Variants in ANO4 observed in about 807,000 individuals in gnomAD.
The protein encoded by ANO4 is anoctamin-4.
In ANO4, 69 loss-of-function variants were observed where a neutral mutation model predicts 141.9. The ratio of observed to expected loss-of-function variants is 0.49; its 90% CI spans 0.40 to 0.59. The LOEUF is 0.59. Ranked by LOEUF, ANO4 falls within the 20% of genes least tolerant of loss-of-function variation. The pLI is 0.00. For synonymous variants in ANO4, 350 were observed against 394.3 expected (o/e 0.89, Z 1.33); for missense variants, 894 against 1,162.2 (o/e 0.77, Z 3.36).
chr12:101,001,663 C>T (rs543127759), intron 8 of ANO4, among the ~76,000 whole-genome samples: 5 of 152,196 alleles, frequency 3.3e-5, no homozygotes, highest in East Asian at 1.9e-4. Flanking sequence ...TTGTTATTTC[C>T]GTTTAGAGAA....
chr12:100,859,860 A>G (rs2038380774), intron 1 of ANO4, among the ~76,000 whole-genome samples: 2 of 152,150 alleles, frequency 1.3e-5, no homozygotes, highest in Admixed American at 1.3e-4. Context: ...GAGGTACTGA[A>G]TAAATATTTG....
rs774471905 is a variant in ANO4, at chr12:100,901,761, CCCA to C, written c.-21_-19del. Reference sequence around the variant, plus strand: ...TGCCTGTGGTCAGGCATTCCTCACTCCCACCAGGCAGAAGGTCAATAAAAATGG... The same window carrying C: ...TGCCTGTGGTCAGGCATTCCTCACTCCCAGGCAGAAGGTCAATAAAAATGG... On this transcript the variant is annotated 5_prime_UTR_variant, in exon 2 of 28. Coordinates refer to ENST00000392977, the MANE Select transcript of ANO4 (RefSeq NM_001286615.2). 1 of 1,612,356 alleles carries C rather than the reference CCCA, an allele frequency of 6.2e-7. No individual in the cohort carries two copies. The highest frequency in any genetic ancestry group is 1.1e-5 in the South Asian group (1 of 91,046).
At chr12:100,730,648 C>A (rs949421414) in intron 1 of ANO4, among the ~76,000 whole-genome samples, 1 of 152,090 alleles carries the variant, frequency 6.6e-6, no homozygotes, top group African/African-American at 2.4e-5. Flanking sequence ...TGGGTCTTCC[C>A]TGGACAAGCT....
At chr12:101,100,047 C>T (rs1221369259) in intron 22 of ANO4, among the ~76,000 whole-genome samples, 1 of 152,054 alleles carries the variant, frequency 6.6e-6, no homozygotes. Flanking sequence ...TCTCAGTTTC[C>T]TCATCTCTAA....
intron 1 of ANO4, among the ~76,000 whole-genome samples, chr12:100,798,201 C>T (rs2034456192): frequency 6.6e-6 from 1 of 152,156 alleles, no homozygotes; most frequent in Non-Finnish European, 1.5e-5. Flanking sequence ...TTATGTGATA[C>T]AGCTTTTCTT....
At chr12:100,743,303 C>T (rs1454551591) in intron 3 of ANO4, among the ~76,000 whole-genome samples, 1 of 150,630 alleles carries the variant, frequency 6.6e-6, no homozygotes, top group African/African-American at 2.4e-5. Context: ...AGTACAAATA[C>T]ACTGAATGCA....
At chr12:100,738,257 A>C (rs957616954) in intron 2 of ANO4, among the ~76,000 whole-genome samples, 1 of 152,140 alleles carries the variant, frequency 6.6e-6, no homozygotes, top group African/African-American at 2.4e-5. Flanking sequence ...AATGCTGCCA[A>C]TGTGACATTT....
chr12:100,762,337 C>T (rs556387867), intron 3 of ANO4, among the ~76,000 whole-genome samples: 26 of 152,210 alleles, frequency 1.7e-4, no homozygotes, highest in African/African-American at 5.3e-4. Flanking sequence ...CTTCCCTCTG[C>T]GCTTTCCATC....
intron 1 of ANO4, among the ~76,000 whole-genome samples, chr12:100,851,095 A>G (rs895798071): frequency 6.6e-6 from 1 of 152,154 alleles, no homozygotes; most frequent in Non-Finnish European, 1.5e-5. Context: ...GAAATACCAG[A>G]TCAAAGGGTA....
chr12:100,799,741 A>G (rs2034566691), intron 1 of ANO4, among the ~76,000 whole-genome samples: 2 of 152,150 alleles, frequency 1.3e-5, no homozygotes, highest in African/African-American at 4.8e-5. Flanking sequence ...CTCCGTCTCA[A>G]AAAAAACCAA....
At chr12:100,984,301 T>A (rs556486880) in intron 7 of ANO4, among the ~76,000 whole-genome samples, 13 of 152,298 alleles carry the variant, frequency 8.5e-5, no homozygotes, top group African/African-American at 2.4e-4. Context: ...TTCACTATGT[T>A]GGCCAGGCTG....
intron 1 of ANO4, among the ~76,000 whole-genome samples, chr12:100,880,494 T>A (rs2039513615): frequency 6.6e-6 from 1 of 152,208 alleles, no homozygotes; most frequent in African/African-American, 2.4e-5. Flanking sequence ...GGCTGCAGAA[T>A]CTGTTCTTAA....
At chr12:101,050,235 C>G (rs2047803984) in intron 14 of ANO4, among the ~76,000 whole-genome samples, 1 of 152,154 alleles carries the variant, frequency 6.6e-6, no homozygotes, top group Non-Finnish European at 1.5e-5. Flanking sequence ...AGTCATGTTA[C>G]TAGTGGAGTG....
At chr12:101,107,677 T>A (rs145727303) in intron 22 of ANO4, among the ~76,000 whole-genome samples, 295 of 152,256 alleles carry the variant, frequency 1.9e-3, no homozygotes, top group Middle Eastern at 3.4e-3. Flanking sequence ...TTGGAGTCAA[T>A]TTATTGAGAT....
chr12:100,826,310 G>C (rs1029430703), intron 1 of ANO4, among the ~76,000 whole-genome samples: 1 of 151,750 alleles, frequency 6.6e-6, no homozygotes, highest in Non-Finnish European at 1.5e-5. Flanking sequence ...GATGGAAAAT[G>C]GTCATTGCTC....
intron 3 of ANO4, among the ~76,000 whole-genome samples, chr12:100,767,932 G>A (rs2033154332): frequency 6.6e-6 from 1 of 152,142 alleles, no homozygotes. Flanking sequence ...AGTACTGGAA[G>A]CTGAGTGGGG....
chr12:100,890,646 C>A (rs1393341616), intron 1 of ANO4, among the ~76,000 whole-genome samples: 1 of 152,064 alleles, frequency 6.6e-6, no homozygotes, highest in African/African-American at 2.4e-5. Flanking sequence ...TTTTTTAGAG[C>A]AGTTTTAGGT....
chr12:100,861,087 T>G (rs2038448485), intron 1 of ANO4, among the ~76,000 whole-genome samples: 2 of 152,164 alleles, frequency 1.3e-5, no homozygotes, highest in South Asian at 4.1e-4. Flanking sequence ...ATTCCCTTAT[T>G]TATCACCACC....
In ANO4 at chr12:101,058,969, TG is replaced by T. The variant is rs1209221369; in HGVS notation, c.1312+10569del. On this transcript the variant is annotated intron_variant, in intron 14 of 27. Transcript: ENST00000392977. ...TTTTGAAGGGAATGCTTCCAGCTTTTGCCCCTTCATATGATATTGGCTGTGG... is the reference window on the plus strand; with the variant it reads ...TTTTGAAGGGAATGCTTCCAGCTTTTCCCCTTCATATGATATTGGCTGTGG... Among the ~76,000 whole-genome samples, 3 of 152,190 alleles carry T rather than the reference TG, an allele frequency of 2.0e-5. No homozygotes were observed. The East Asian group carries it at 5.8e-4, about 29-fold the overall frequency.
Sources: gnomAD v4.1 joint callset for allele counts (sites outside exome capture counted in the v4.1 genomes callset) on GRCh38, gnomAD v4.1.1 for gene constraint, MANE v1.5 for transcripts, NCBI Gene and HGNC (gene_info 2026-07-23, HGNC 2026-07-21) for gene names.